RANBP2: variants seen among roughly 807,000 people sequenced by gnomAD.
RANBP2 encodes the protein RAN binding protein 2.
Under a neutral mutation model 303.6 loss-of-function variants are expected in RANBP2, and 57 were observed. The ratio of observed to expected loss-of-function variants is 0.19; its 90% CI spans 0.15 to 0.23. The LOEUF is 0.23. Among genes scored for constraint, RANBP2 ranks in the 10% least tolerant of loss-of-function variants. The pLI is 1.00. For missense variants in RANBP2, 3,138 were observed against 3,780.8 expected (o/e 0.83, Z 4.46); for synonymous variants, 1,167 against 1,301.5 (o/e 0.90, Z 2.23).
chr2:109,382,442 C>G, the RANBP2 span, among the ~76,000 whole-genome samples: 10,822 of 152,202 alleles, frequency 0.071, 975 homozygotes, highest in African/African-American at 0.21. Context: ...CAGCAGCCCA[C>G]CTCCTGACCC....
chr2:109,332,181 G>A, the RANBP2 span, among the ~76,000 whole-genome samples: 56,094 of 152,048 alleles, frequency 0.37, 11,922 homozygotes, highest in Non-Finnish European at 0.48. Flanking sequence ...TCTGCGGCCC[G>A]GAGCCCTCTG....
chr2:108,797,042 A>G, the RANBP2 span, among the ~76,000 whole-genome samples: 1 of 152,196 alleles, frequency 6.6e-6, no homozygotes, highest in Non-Finnish European at 1.5e-5. Context: ...TGAGGATGTT[A>G]AGTAGGCTGT....
At chr2:108,721,932 C>G (rs1694287596) in intron 1 of RANBP2, among the ~76,000 whole-genome samples, 2 of 150,772 alleles carry the variant, frequency 1.3e-5, no homozygotes, top group South Asian at 2.1e-4. Flanking sequence ...GAGACGGGGT[C>G]TTATCATGTT....
chr2:109,474,611 G>A, the RANBP2 span, among the ~76,000 whole-genome samples: 22 of 152,262 alleles, frequency 1.4e-4, no homozygotes, highest in African/African-American at 4.8e-4. Context: ...GGTTTGGGCA[G>A]GGGGGGAGAA....
At chr2:109,201,530 T>C in the RANBP2 span, among the ~76,000 whole-genome samples, 1 of 152,120 alleles carries the variant, frequency 6.6e-6, no homozygotes, top group Non-Finnish European at 1.5e-5. Flanking sequence ...CCTGCTAGGG[T>C]CTCCCCTCCC....
At chr2:108,774,948 T>C (rs1045530895) in intron 23 of RANBP2, among the ~76,000 whole-genome samples, 1 of 152,136 alleles carries the variant, frequency 6.6e-6, no homozygotes, top group East Asian at 1.9e-4. Context: ...TGACTTGGCC[T>C]CCCAAAGTGC....
At chr2:109,329,557 C>T in the RANBP2 span, among the ~76,000 whole-genome samples, 1 of 152,244 alleles carries the variant, frequency 6.6e-6, no homozygotes, top group Admixed American at 6.5e-5. Context: ...GGGGTGCAGC[C>T]TTCCTGCAGC....
At chr2:109,501,998 C>G in the RANBP2 span, 2 of 286,946 alleles carry the variant, frequency 7.0e-6, no homozygotes, top group African/African-American at 4.2e-5. Flanking sequence ...GCAGCGTTCT[C>G]ATTTACCACC....
the RANBP2 span, among the ~76,000 whole-genome samples, chr2:109,163,199 G>A: frequency 2.6e-5 from 4 of 152,120 alleles, no homozygotes; most frequent in African/African-American, 4.8e-5. Context: ...ATAGGAACTC[G>A]CGGGCAGCTT....
chr2:109,025,745 C>G, the RANBP2 span, among the ~76,000 whole-genome samples: 2 of 151,310 alleles, frequency 1.3e-5, no homozygotes, highest in African/African-American at 4.9e-5. Flanking sequence ...TTGCAGTGAG[C>G]CGAGATCACG....
At chr2:109,280,065 AT>A in the RANBP2 span, among the ~76,000 whole-genome samples, 1 of 151,812 alleles carries the variant, frequency 6.6e-6, no homozygotes, top group Non-Finnish European at 1.5e-5. Context: ...CTCCCCTCCT[AT>A]TTTTTTCGAT....
the RANBP2 span, among the ~76,000 whole-genome samples, chr2:108,831,521 A>C: frequency 6.6e-6 from 1 of 152,224 alleles, no homozygotes; most frequent in African/African-American, 2.4e-5. Flanking sequence ...TTTCATGAAA[A>C]TATGAAATGG....
At chr2:109,615,171 G>C in the RANBP2 span, 4 of 1,548,926 alleles carry the variant, frequency 2.6e-6, no homozygotes, top group East Asian at 9.8e-5. Context: ...CAGCAGCCCG[G>C]GCAGCTCCTC....
At chr2:109,306,025 G>A in the RANBP2 span, among the ~76,000 whole-genome samples, 2 of 152,346 alleles carry the variant, frequency 1.3e-5, no homozygotes, top group African/African-American at 4.8e-5. Flanking sequence ...CTTCAGGAGT[G>A]ATTCGCTGCC....
the RANBP2 span, among the ~76,000 whole-genome samples, chr2:108,844,866 C>T: frequency 6.6e-6 from 1 of 151,620 alleles, no homozygotes; most frequent in African/African-American, 2.4e-5. Flanking sequence ...TCCTGCCTCA[C>T]CCTCCTGAAT....
chr2:109,700,505 C>T, the RANBP2 span, among the ~76,000 whole-genome samples: 1 of 151,966 alleles, frequency 6.6e-6, no homozygotes, highest in Non-Finnish European at 1.5e-5. Context: ...CACAGATAGA[C>T]AAAACAGTTG....
the RANBP2 span, among the ~76,000 whole-genome samples, chr2:108,926,804 A>T: frequency 7.2e-5 from 11 of 152,182 alleles, no homozygotes; most frequent in Admixed American, 7.2e-4. Flanking sequence ...CCCAGGAGAG[A>T]CTGGGACAAG....
At chr2:109,516,249 C>T in the RANBP2 span, among the ~76,000 whole-genome samples, 3 of 152,320 alleles carry the variant, frequency 2.0e-5, no homozygotes, top group African/African-American at 7.2e-5. Context: ...CCTGAAGGAC[C>T]TAAGTCCCAC....
At chr2:109,285,379 A>G in the RANBP2 span, among the ~76,000 whole-genome samples, 3 of 152,216 alleles carry the variant, frequency 2.0e-5, no homozygotes, top group African/African-American at 2.4e-5. Flanking sequence ...TCCACGGCCA[A>G]CGCACAAAAC....
Sources: gnomAD v4.1 joint callset for allele counts (sites outside exome capture counted in the v4.1 genomes callset) on GRCh38, gnomAD v4.1.1 for gene constraint, MANE v1.5 for transcripts, NCBI Gene and HGNC (gene_info 2026-07-23, HGNC 2026-07-21) for gene names.